The following HSPA4L variants were observed in gnomAD, a reference collection of about 807,000 sequenced individuals.
HSPA4L encodes the protein heat shock 70 kDa protein 4L.
Under a neutral mutation model 100.3 loss-of-function variants are expected in HSPA4L, and 48 were observed. The observed-to-expected ratio is 0.48, with a 90% CI of 0.38 to 0.61. The LOEUF (loss-of-function observed/expected upper bound fraction) is 0.61. Among genes scored for constraint, HSPA4L ranks in the 20% least tolerant of loss-of-function variants. The pLI, the probability that HSPA4L is intolerant of heterozygous loss-of-function variation, is 0.00. For synonymous variants in HSPA4L, 319 were observed against 328.2 expected (o/e 0.97, Z 0.30); for missense variants, 886 against 988.6 (o/e 0.90, Z 1.39).
chr4:127,805,299 T>C, intron 9 of HSPA4L, 75 bp downstream of exon 9: 2 of 1,129,902 alleles, frequency 1.8e-6, no homozygotes, highest in Non-Finnish European at 2.5e-6. Context: ...GGCCTTTTAA[T>C]GTTATCTGTT....
intron 2 of HSPA4L, among the ~76,000 whole-genome samples, chr4:127,795,437 G>C (rs1259918718): frequency 6.6e-6 from 1 of 152,114 alleles, no homozygotes; most frequent in Non-Finnish European, 1.5e-5. Context: ...TAATTCACTA[G>C]AGCAAAAGCT....
At chr4:127,810,257 T>C (rs1176396712) in intron 11 of HSPA4L, among the ~76,000 whole-genome samples, 1 of 152,232 alleles carries the variant, frequency 6.6e-6, no homozygotes, top group Non-Finnish European at 1.5e-5. Flanking sequence ...TTTAAATTTT[T>C]TTCTATGTAC....
At chr4:127,791,455 A>G (rs1444549129) in intron 1 of HSPA4L, among the ~76,000 whole-genome samples, 1 of 152,226 alleles carries the variant, frequency 6.6e-6, no homozygotes, top group Non-Finnish European at 1.5e-5. Flanking sequence ...CCCATGGTCT[A>G]AAGTTTATTT....
At chr4:127,784,879 A>G (rs988329356) in intron 1 of HSPA4L, among the ~76,000 whole-genome samples, 2 of 152,282 alleles carry the variant, frequency 1.3e-5, no homozygotes, top group African/African-American at 4.8e-5. Context: ...TAGCTTTGCA[A>G]ATAAAATGTT....
intron 1 of HSPA4L, among the ~76,000 whole-genome samples, chr4:127,789,842 T>C (rs867856845): frequency 6.6e-6 from 1 of 152,206 alleles, no homozygotes; most frequent in South Asian, 2.1e-4. Context: ...ATTACTAATA[T>C]AAAAGTTTTG....
rs1578720171 is a variant in HSPA4L, at chr4:127,823,548, A to G, written c.1970A>G (p.Asp657Gly). The G allele has an allele frequency of 6.2e-7, 1 of 1,613,288 alleles. No individual in the cohort carries two copies. Reference sequence around the variant, plus strand: ...AGTAAACTGTCTGCAGTATTGGAAGACACAGAAAATTGGCTTTATGAAGAC... The same window carrying G: ...AGTAAACTGTCTGCAGTATTGGAAGGCACAGAAAATTGGCTTTATGAAGAC... ...DLSKLSAVLE[D>G]TENWLYEDGE... The change falls in exon 16 of 19, where the codon GAC becomes GGC. Residue 657 changes from aspartate to glycine, a missense_variant. Physicochemically the swap from Asp to Gly is moderately conservative, Grantham distance 94. Transcript: ENST00000296464.
At chr4:127,783,434 T>A in intron 1 of HSPA4L, 2 of 1,295,688 alleles carry the variant, frequency 1.5e-6, no homozygotes, top group Non-Finnish European at 2.0e-6. Flanking sequence ...AGCTGTCCCG[T>A]ATAAACATGA....
At position 127,820,470 on chromosome 4, in the gene HSPA4L, A is replaced by G; in HGVS notation, c.1717A>G (p.Lys573Glu). 1.2e-6 allele frequency: 2 copies of G among 1,603,450 alleles called. No individual in the cohort carries two copies. The highest frequency in any genetic ancestry group is 1.7e-6 in the Non-Finnish European group (2 of 1,175,702). ...ACAAGACCGATTAAATCAGACACTT[A>G]AAAAAGGAAAAGTCAAAAGTATTGA... Reference protein sequence around the residue: ...DKQDRLNQTLKKGKVKSIDLP... With the variant: ...DKQDRLNQTLEKGKVKSIDLP... Residue 573 changes from lysine to glutamate, a missense_variant, in exon 14 of 19, where the codon AAA becomes GAA. Physicochemically the swap from Lys to Glu is moderately conservative, Grantham distance 56 (BLOSUM62 1). Transcript: ENST00000296464.
intron 1 of HSPA4L, chr4:127,783,455 A>C: frequency 7.2e-7 from 1 of 1,389,006 alleles, no homozygotes; most frequent in Non-Finnish European, 9.4e-7. Context: ...CTGTGGAGTG[A>C]TTCTATTATG....
Position 127,805,064 on chromosome 4 carries a change from A to AC in HSPA4L, c.986-9_986-8insC, listed in dbSNP as rs760393237. On this transcript the variant is annotated splice_polypyrimidine_tract_variant and intron_variant, in intron 8 of 18. Coordinates refer to ENST00000296464, the MANE Select transcript of HSPA4L (RefSeq NM_014278.4). ...ACTATCATTTTTCTCAATTAAAAAA[A>AC]TTTTCCAGACTTACAACGTGAAGAC... 1.9e-6 allele frequency: 3 copies of AC among 1,567,160 alleles called. No homozygotes were observed. The highest frequency in any genetic ancestry group is 2.7e-5 in the African/African-American group (2 of 72,888).
chr4:127,805,820 G>C (rs768329117), intron 10 of HSPA4L, 27 bp downstream of exon 10: 3 of 1,446,680 alleles, frequency 2.1e-6, no homozygotes, highest in Non-Finnish European at 2.9e-6. Context: ...ACCTTGATTA[G>C]AGCTTGTCAT....
Position 127,835,752 on chromosome 4 carries a change from A to C in HSPA4L, c.*2878A>C, listed in dbSNP as rs1734191994. On this transcript the variant is annotated 3_prime_UTR_variant, in exon 19 of 19. Transcript: ENST00000296464. ...AAAAACTAGAAAGAGCACAGCAAAG[A>C]ATTTGGCTATTGAAATAACAGATAA... 1 of 151,562 alleles carries C rather than the reference A, an allele frequency of 6.6e-6. No individual in the cohort carries two copies. The highest frequency in any genetic ancestry group is 1.5e-5 in the Non-Finnish European group (1 of 67,948). 9.4% of individuals were successfully genotyped at this position (151,562 alleles called of 1,614,324 possible).
rs756547046 is a variant in HSPA4L, at chr4:127,822,760, T to G, written c.1813-9T>G. 3.6e-5 allele frequency: 58 copies of G among 1,611,786 alleles called. 1 individual carries two copies. The highest frequency in any genetic ancestry group is 4.6e-5 in the Non-Finnish European group (54 of 1,179,342). On this transcript the variant is annotated splice_polypyrimidine_tract_variant and intron_variant, in intron 14 of 18. Transcript: ENST00000296464. Reference sequence around the variant, plus strand: ...TCTTATGGCAACTAATCTGAAGCTTTTTGAATAGGGGAAGATGATCATGCA... The same window carrying G: ...TCTTATGGCAACTAATCTGAAGCTTGTTGAATAGGGGAAGATGATCATGCA...
At position 127,811,702 on chromosome 4, in the gene HSPA4L, C is replaced by G. The variant is rs1422204730; in HGVS notation, c.1578+66C>G. The G allele has an allele frequency of 3.4e-6, 4 of 1,193,214 alleles. No homozygotes were observed. The African/African-American group carries it at 6.1e-5, about 18-fold the overall frequency. 73.9% of individuals were successfully genotyped at this position (1,193,214 alleles called of 1,614,324 possible). A position where few individuals can be genotyped will look rare whatever the true frequency, so the allele number is the denominator to read the frequency against. ...TGTATACAGTATATCTTAATCATAA[C>G]TGGGACTTTAATAGTTGAATACATT... On this transcript the variant is annotated intron_variant, in intron 12 of 18. Coordinates refer to ENST00000296464, the MANE Select transcript of HSPA4L (RefSeq NM_014278.4).
intron 18 of HSPA4L, among the ~76,000 whole-genome samples, chr4:127,831,762 A>G (rs1228638366): frequency 1.3e-5 from 2 of 152,046 alleles, no homozygotes; most frequent in Non-Finnish European, 2.9e-5. Flanking sequence ...AAGGATATCC[A>G]CCAAAAGGTT....
At chr4:127,807,883 T>C in intron 10 of HSPA4L, 113 bp from the exon 11 acceptor site, 1 of 1,011,438 alleles carries the variant, frequency 9.9e-7, no homozygotes, top group Non-Finnish European at 1.5e-6. Flanking sequence ...TTTTTATTTG[T>C]GCAGAGATTT....
chr4:127,785,977 C>T (rs1188440150), intron 1 of HSPA4L, among the ~76,000 whole-genome samples: 1 of 152,108 alleles, frequency 6.6e-6, no homozygotes, highest in Non-Finnish European at 1.5e-5. Flanking sequence ...TGCATTGTTA[C>T]TTAAAACAAT....
Position 127,838,123 on chromosome 4 carries a change from T to C in HSPA4L, c.*5249T>C, listed in dbSNP as rs1364457210. On this transcript the variant is annotated 3_prime_UTR_variant, in exon 19 of 19. Transcript: ENST00000296464. ...TGGCCAATGTTCTTTTATATACTCA[T>C]GTTTTCTAACAAAACAGCTTTGGAT... 6.6e-6 allele frequency: 1 copy of C among 152,196 alleles called. No homozygotes were observed. Among genetic ancestry groups the C allele is most frequent in the Non-Finnish European group, 1.5e-5 (1 of 68,052 alleles). 9.4% of individuals were successfully genotyped at this position (152,196 alleles called of 1,614,324 possible).
At chr4:127,831,699 C>T (rs567143314) in intron 18 of HSPA4L, among the ~76,000 whole-genome samples, 118 of 151,896 alleles carry the variant, frequency 7.8e-4, no homozygotes, top group Middle Eastern at 3.4e-3. Flanking sequence ...TGTACAAATA[C>T]GTGTGCTCAT....
Sources: gnomAD v4.1 joint callset for allele counts (sites outside exome capture counted in the v4.1 genomes callset) on GRCh38, gnomAD v4.1.1 for gene constraint, MANE v1.5 for transcripts, NCBI Gene and HGNC (gene_info 2026-07-23, HGNC 2026-07-21) for gene names.